Variants in FAM184A observed in about 807,000 individuals in gnomAD.
The protein encoded by FAM184A is family with sequence similarity 184 member A.
A neutral mutation model predicts 143.8 loss-of-function variants in FAM184A; 99 were observed. The ratio of observed to expected loss-of-function variants is 0.69; its 90% CI spans 0.58 to 0.81. The LOEUF (loss-of-function observed/expected upper bound fraction) is 0.81, where lower values mean the gene tolerates loss of function less well. FAM184A is among the 40% of genes least tolerant of loss of function. The pLI, the probability that FAM184A is intolerant of heterozygous loss-of-function variation, is 0.00. For synonymous variants in FAM184A, 427 were observed against 446.4 expected (o/e 0.96, Z 0.55); for missense variants, 1,217 against 1,310.5 (o/e 0.93, Z 1.10).
chr6:119,003,090 T>C, intron 8 of FAM184A, 41 bp from the exon 9 acceptor site: 2 of 1,533,472 alleles, frequency 1.3e-6, no homozygotes, highest in South Asian at 1.2e-5. Context: ...AAGAGAATTA[T>C]TCCTTTCACT....
chr6:119,040,908 C>T (rs745573743), intron 1 of FAM184A, among the ~76,000 whole-genome samples: 6 of 152,154 alleles, frequency 3.9e-5, no homozygotes, highest in Non-Finnish European at 8.8e-5. Flanking sequence ...TATGTTTGAA[C>T]TTTTGTTCCA....
intron 1 of FAM184A, among the ~76,000 whole-genome samples, chr6:119,112,225 G>T (rs139257081): frequency 1.3e-5 from 2 of 151,550 alleles, no homozygotes; most frequent in Non-Finnish European, 2.9e-5. Flanking sequence ...TCCGCCTCCC[G>T]GGTTCAAGCA....
intron 1 of FAM184A, among the ~76,000 whole-genome samples, chr6:119,058,409 G>A (rs1021956798): frequency 1.3e-5 from 2 of 151,714 alleles, no homozygotes; most frequent in African/African-American, 4.8e-5. Flanking sequence ...TGCCATGTGG[G>A]CCAGGCTGGT....
At chr6:119,105,195 TAAC>T (rs1196756639) in intron 1 of FAM184A, among the ~76,000 whole-genome samples, 2 of 152,184 alleles carry the variant, frequency 1.3e-5, no homozygotes, top group African/African-American at 2.4e-5. Context: ...TATAAAATGT[TAAC>T]AACAGGGGAA....
rs1318107596 is a variant in FAM184A, at chr6:119,006,453, A to G, written c.1809T>C (p.Asn603=). 1.2e-6 allele frequency: 2 copies of G among 1,608,030 alleles called. No individual in the cohort carries two copies. Among genetic ancestry groups the G allele is most frequent in the Admixed American group, 1.7e-5 (1 of 58,468 alleles). Residue 603 remains asparagine, a synonymous_variant, in exon 7 of 18, where the codon AAT becomes AAC. Coordinates refer to ENST00000338891, the MANE Select transcript of FAM184A (RefSeq NM_024581.6). ...SLKETKDALL[N]VEGELEQERQ... is the part of the protein sequence containing the mutation. ...AGTAGAATTATGAAATTACCTCCAC[A>G]TTTAATAGAGCATCCTTGGTCTCCT...
At chr6:119,034,208 T>C (rs1273747885) in intron 1 of FAM184A, among the ~76,000 whole-genome samples, 1 of 151,108 alleles carries the variant, frequency 6.6e-6, no homozygotes, top group Non-Finnish European at 1.5e-5. Context: ...ACTCATAGAG[T>C]ATCGCTTAGT....
At chr6:119,012,580 T>C (rs534960439) in intron 5 of FAM184A, among the ~76,000 whole-genome samples, 1 of 152,342 alleles carries the variant, frequency 6.6e-6, no homozygotes, top group South Asian at 2.1e-4. Context: ...TGTTGTCTAC[T>C]AGGAAAGCTC....
chr6:119,122,924 G>GAAAAAAAAAA (rs766414096), intron 1 of FAM184A, among the ~76,000 whole-genome samples: 1 of 28,992 alleles, frequency 3.4e-5, no homozygotes, highest in Non-Finnish European at 6.0e-5. Flanking sequence ...GACCCTGTCT[G>GAAAAAAAAAA]AAAAAAAAAA....
intron 1 of FAM184A, among the ~76,000 whole-genome samples, chr6:119,137,628 C>T (rs117922465): frequency 6.6e-6 from 1 of 152,310 alleles, no homozygotes; most frequent in East Asian, 1.9e-4. Context: ...TTTTGATAAT[C>T]TTCTCATTCT....
intron 1 of FAM184A, among the ~76,000 whole-genome samples, chr6:119,092,206 T>C (rs1330888209): frequency 6.6e-6 from 1 of 152,210 alleles, no homozygotes; most frequent in Non-Finnish European, 1.5e-5. Context: ...GGCATAACCA[T>C]GGCTTACTGA....
intron 1 of FAM184A, among the ~76,000 whole-genome samples, chr6:119,067,485 T>C (rs1415282849): frequency 6.6e-6 from 1 of 152,232 alleles, no homozygotes; most frequent in African/African-American, 2.4e-5. Context: ...AAAATTTACA[T>C]GTAACCCCAA....
chr6:118,974,834 A>G (rs1474833396), intron 13 of FAM184A, among the ~76,000 whole-genome samples, 190 bp downstream of exon 13: 3 of 152,202 alleles, frequency 2.0e-5, no homozygotes, highest in Non-Finnish European at 4.4e-5. Flanking sequence ...TACATGTTAC[A>G]TCATTCAAGA....
chr6:119,100,486 T>A (rs1009814605), intron 1 of FAM184A, among the ~76,000 whole-genome samples: 1 of 152,166 alleles, frequency 6.6e-6, no homozygotes, highest in Non-Finnish European at 1.5e-5. Context: ...GGCAGAGGGA[T>A]GCTTAAGGTG....
chr6:119,020,250 A>G, intron 3 of FAM184A, 91 bp from the exon 4 acceptor site: 2 of 1,000,658 alleles, frequency 2.0e-6, no homozygotes, highest in Non-Finnish European at 2.7e-6. Flanking sequence ...TGTACTTTAT[A>G]CTTAAGTAAA....
intron 1 of FAM184A, among the ~76,000 whole-genome samples, chr6:119,038,275 G>A (rs967071490): frequency 6.6e-6 from 1 of 152,230 alleles, no homozygotes; most frequent in Non-Finnish European, 1.5e-5. Flanking sequence ...GACACAGAGT[G>A]TCAGAGGCAA....
intron 9 of FAM184A, among the ~76,000 whole-genome samples, chr6:118,997,421 G>A (rs1041493293): frequency 1.3e-5 from 2 of 152,006 alleles, no homozygotes; most frequent in African/African-American, 2.4e-5. Context: ...CGGGCGCAGT[G>A]GCTCACACTT....
In FAM184A at chr6:119,078,070, T is replaced by A. The variant is rs1787936555; in HGVS notation, c.159+71A>T. On this transcript the variant is annotated intron_variant, in intron 1 of 17. Transcript: ENST00000338891. This position sits in a 1 kb window ranked among gnomAD's most constrained non-coding sequence, Gnocchi z 5.5. ...CGCTGCGGGCGCAGGGCGCACTGCC[T>A]CCCGGGGAGACAGGTGAGTCCGGCG... The A allele has an allele frequency of 4.6e-6, 7 of 1,510,600 alleles. No individual in the cohort carries two copies. Among genetic ancestry groups the A allele is most frequent in the African/African-American group, 4.2e-5 (3 of 71,748 alleles). 93.6% of individuals were successfully genotyped at this position (1,510,600 alleles called of 1,614,324 possible).
chr6:119,017,843 G>A (rs574597132), intron 4 of FAM184A, among the ~76,000 whole-genome samples: 1 of 152,232 alleles, frequency 6.6e-6, no homozygotes, highest in South Asian at 2.1e-4. Context: ...TTGCAATAAT[G>A]AGTGAGCTCT....
At chr6:119,074,127 G>GC (rs1787787728) in intron 1 of FAM184A, among the ~76,000 whole-genome samples, 2 of 152,196 alleles carry the variant, frequency 1.3e-5, no homozygotes, top group Admixed American at 1.3e-4. Flanking sequence ...TTAAACATCT[G>GC]CAACGGCTAC....
Sources: gnomAD v4.1 joint callset for allele counts (sites outside exome capture counted in the v4.1 genomes callset) on GRCh38, gnomAD v4.1.1 for gene constraint, Gnocchi (gnomAD v3.1) non-coding constraint, MANE v1.5 for transcripts, NCBI Gene and HGNC (gene_info 2026-07-23, HGNC 2026-07-21) for gene names.